Variants in ASIC1 observed in about 807,000 individuals in gnomAD.
ASIC1 encodes the protein acid-sensing ion channel 1.
In ASIC1, 21 loss-of-function variants were observed where a neutral mutation model predicts 63.4. The ratio of observed to expected loss-of-function variants is 0.33; its 90% CI spans 0.23 to 0.48. The LOEUF (loss-of-function observed/expected upper bound fraction) is 0.48. Among genes scored for constraint, ASIC1 ranks in the 20% least tolerant of loss-of-function variants. The pLI is 0.99. For missense variants in ASIC1, 478 were observed against 695.5 expected, an observed-to-expected ratio of 0.69 and a Z score of 3.52; for synonymous variants, 258 against 278.2, an observed-to-expected ratio of 0.93 and a Z score of 0.72.
intron 3 of ASIC1, among the ~76,000 whole-genome samples, chr12:50,060,318 T>C (rs1442618185): frequency 6.6e-6 from 1 of 152,210 alleles, no homozygotes; most frequent in Non-Finnish European, 1.5e-5. Context: ...GTGTTACTTG[T>C]AGTGAGGTCC....
intron 3 of ASIC1, 93 bp from the exon 4 acceptor site, chr12:50,077,120 T>C: frequency 6.3e-7 from 1 of 1,588,638 alleles, no homozygotes. Context: ...CCAAAGGGTG[T>C]TGAGATTCCA....
intron 3 of ASIC1, among the ~76,000 whole-genome samples, chr12:50,063,193 T>A (rs560221844): frequency 5.8e-4 from 88 of 152,112 alleles, no homozygotes; most frequent in Non-Finnish European, 8.4e-4. Context: ...GGGCAGGGAT[T>A]CCATGGAGGG....
At chr12:50,058,352 C>T (rs1185425438) in intron 1 of ASIC1, among the ~76,000 whole-genome samples, 1 of 152,220 alleles carries the variant, frequency 6.6e-6, no homozygotes, top group Admixed American at 6.5e-5. Flanking sequence ...CTCCTTACCC[C>T]GGGGTCAGCC....
Position 50,057,709 on chromosome 12 carries a change from A to G in ASIC1, c.-224A>G, listed in dbSNP as rs1179450541. On this transcript the variant is annotated 5_prime_UTR_variant, in exon 1 of 12. Coordinates refer to ENST00000447966, the MANE Select transcript of ASIC1 (RefSeq NM_001095.4). This position sits in a 1 kb window ranked among gnomAD's most constrained non-coding sequence, Gnocchi z 4.7. Reference sequence around the variant, plus strand: ...CAGACCGAGCCGAGGCGAGCGAGCCAGCGAGCCAGCGCGCGCGGGCGGGCG... The same window carrying G: ...CAGACCGAGCCGAGGCGAGCGAGCCGGCGAGCCAGCGCGCGCGGGCGGGCG... 1 of 151,556 alleles carries G rather than the reference A, an allele frequency of 6.6e-6. No homozygotes were observed. The highest frequency in any genetic ancestry group is 1.5e-5 in the Non-Finnish European group (1 of 68,054). The allele number at this position is 151,556 out of a possible 1,614,324, so 9.4% of individuals were successfully genotyped here.
chr12:50,070,034 C>T (rs1950583532), intron 3 of ASIC1, among the ~76,000 whole-genome samples: 1 of 152,004 alleles, frequency 6.6e-6, no homozygotes, highest in Admixed American at 6.6e-5. Flanking sequence ...CAATTGAAAA[C>T]CATGAAGCAT....
rs1257958979 is a variant in ASIC1 at position 50,074,619 on chromosome 12, G to A, written c.559-2594G>A. Among the ~76,000 whole-genome samples, 4 of 152,270 alleles carry A rather than the reference G, an allele frequency of 2.6e-5. No individual in the cohort carries two copies. Among genetic ancestry groups the A allele is most frequent in the East Asian group, 1.9e-4 (1 of 5,178 alleles). ...GTCAACCTTTGATCTGTTGGTGGAC[G>A]CCAGTGCCTGGCCAGTTGTTCACTA... On this transcript the variant is annotated intron_variant, in intron 3 of 11. Coordinates refer to ENST00000447966, the MANE Select transcript of ASIC1 (RefSeq NM_001095.4). This position sits in a 1 kb window ranked among gnomAD's most constrained non-coding sequence, Gnocchi z 4.2.
chr12:50,078,140 T>TG lies in ASIC1; in HGVS notation c.837+16dup. 1.2e-6 allele frequency: 2 copies of TG among 1,609,234 alleles called. No individual in the cohort carries two copies. The highest frequency in any genetic ancestry group is 2.7e-5 in the African/African-American group (2 of 74,784). ...CCAGGAGCAGCGGGTGAGAGGGCCA[T>TG]GGGAGGCTGGTCCTGGGGTGGGGTA... On this transcript the variant is annotated intron_variant, in intron 5 of 11. Transcript: ENST00000447966. The surrounding 1 kb of genome is among the most constrained non-coding windows in gnomAD (Gnocchi z 6.0).
chr12:50,077,980 C>T lies in ASIC1; in HGVS notation c.710-20C>T. 1 of 1,600,188 alleles carries T rather than the reference C, an allele frequency of 6.2e-7. No homozygotes were observed. Among genetic ancestry groups the T allele is most frequent in the Admixed American group, 1.7e-5 (1 of 58,712 alleles). ...GGGAGTCAGGAGCCCTCCCAACCCA[C>T]ACACTCCTCATTCCCCTAGACGAGA... On this transcript the variant is annotated intron_variant, in intron 4 of 11. Transcript: ENST00000447966.
At chr12:50,068,132 GTTTGT>G (rs1028419740) in intron 3 of ASIC1, among the ~76,000 whole-genome samples, 1 of 152,014 alleles carries the variant, frequency 6.6e-6, no homozygotes, top group African/African-American at 2.4e-5. Context: ...TTTTGTGTCT[GTTTGT>G]TTTGTTTTGT....
chr12:50,081,204 A>T, intron 10 of ASIC1, 23 bp downstream of exon 10: 1 of 1,608,038 alleles, frequency 6.2e-7, no homozygotes, highest in Non-Finnish European at 8.5e-7. Context: ...GAGGCCCGGC[A>T]CGGGGCCACG....
intron 3 of ASIC1, among the ~76,000 whole-genome samples, chr12:50,068,612 A>T (rs995534230): frequency 3.3e-5 from 5 of 151,472 alleles, no homozygotes; most frequent in African/African-American, 1.2e-4. Context: ...CAATTTTCCC[A>T]CTTAACGTCT....
Position 50,081,630 on chromosome 12 carries a change from T to C in ASIC1, c.1568T>C (p.Phe523Ser). ...ILPHHPARGT[F>S]EDFTC Reference sequence around the variant, plus strand: ...CCTCACCATCCGGCCCGAGGCACGTTCGAGGACTTTACCTGCTGAGCCCCG... The same window carrying C: ...CCTCACCATCCGGCCCGAGGCACGTCCGAGGACTTTACCTGCTGAGCCCCG... The change falls in exon 12 of 12, where the codon TTC becomes TCC. Residue 523 changes from phenylalanine (F) to serine (S), a missense_variant. Physicochemically the swap from Phe to Ser is radical, Grantham distance 155. This residue lies in a region of ASIC1 where 104 missense variants were observed against 97.0 expected (regional missense o/e 1.07). Transcript: ENST00000447966. 6.2e-7 allele frequency: 1 copy of C among 1,613,976 alleles called. No homozygotes were observed. Among genetic ancestry groups the C allele is most frequent in the Non-Finnish European group, 8.5e-7 (1 of 1,179,980 alleles).
At chr12:50,064,174 G>A (rs1950525258) in intron 3 of ASIC1, among the ~76,000 whole-genome samples, 1 of 152,080 alleles carries the variant, frequency 6.6e-6, no homozygotes, top group African/African-American at 2.4e-5. Flanking sequence ...ATGAACTTTG[G>A]GGGAAGGGTT....
chr12:50,082,916 C>T lies in ASIC1; in HGVS notation c.*1267C>T, dbSNP rs1433420607. The T allele has an allele frequency of 2.0e-5, 3 of 152,882 alleles. No individual in the cohort carries two copies. The highest frequency in any genetic ancestry group is 4.4e-5 in the Non-Finnish European group (3 of 68,174). 9.5% of individuals were successfully genotyped at this position (152,882 alleles called of 1,614,324 possible). On this transcript the variant is annotated 3_prime_UTR_variant, in exon 12 of 12. Coordinates refer to ENST00000447966, the MANE Select transcript of ASIC1 (RefSeq NM_001095.4). ...GCCCTCCCTGCAGCCTTAACATTCTCTTCCCCTGCTCCTCCTATCCCATTG... is the reference window on the plus strand; with the variant it reads ...GCCCTCCCTGCAGCCTTAACATTCTTTTCCCCTGCTCCTCCTATCCCATTG...
In ASIC1 at chr12:50,082,878, C is replaced by G. The variant is rs1950735154; in HGVS notation, c.*1229C>G. On this transcript the variant is annotated 3_prime_UTR_variant, in exon 12 of 12. Transcript: ENST00000447966. ...TTCTGGCCTCACCCTCTCCCCCAAC[C>G]CGGGCACCCTCGGCCCTCCCTGCAG... 1.3e-5 allele frequency: 2 copies of G among 152,990 alleles called. No homozygotes were observed. The highest frequency in any genetic ancestry group is 2.4e-5 in the African/African-American group (1 of 41,450). 9.5% of individuals were successfully genotyped at this position (152,990 alleles called of 1,614,324 possible). A position where few individuals can be genotyped will look rare whatever the true frequency, so the allele number is the denominator to read the frequency against.
chr12:50,083,402 A>G lies in ASIC1; in HGVS notation c.*1753A>G, dbSNP rs908866179. 2.0e-5 allele frequency: 3 copies of G among 152,516 alleles called. No individual in the cohort carries two copies. The highest frequency in any genetic ancestry group is 7.2e-5 in the African/African-American group (3 of 41,436). The allele number at this position is 152,516 out of a possible 1,614,324, so 9.4% of individuals were successfully genotyped here. A position where few individuals can be genotyped will look rare whatever the true frequency, so the allele number is the denominator to read the frequency against. On this transcript the variant is annotated 3_prime_UTR_variant, in exon 12 of 12. Transcript: ENST00000447966. The stretch of plus-strand genomic sequence containing the variant: ...CTGTGTCTTGGTCTTCAATCCCAGA[A>G]CAGGACCTGTGAGCAGCTGCATTGG...
At chr12:50,073,503 G>C (rs1047650763) in intron 3 of ASIC1, 7 of 1,439,892 alleles carry the variant, frequency 4.9e-6, no homozygotes, top group Non-Finnish European at 6.4e-6. Flanking sequence ...GCCGGACTCT[G>C]CCTGGAGTCA....
intron 3 of ASIC1, among the ~76,000 whole-genome samples, chr12:50,062,839 T>C (rs1393858189): frequency 6.6e-6 from 1 of 152,106 alleles, no homozygotes; most frequent in Non-Finnish European, 1.5e-5. Flanking sequence ...CAGGGAATAG[T>C]TGGTGGTCAC....
chr12:50,068,887 A>T (rs974922978), intron 3 of ASIC1, among the ~76,000 whole-genome samples: 10 of 152,094 alleles, frequency 6.6e-5, no homozygotes, highest in Non-Finnish European at 1.3e-4. Flanking sequence ...GGGCCACGGC[A>T]ATGGCTCCTC....
Sources: allele counts gnomAD v4.1 joint callset (sites outside exome capture counted in the v4.1 genomes callset), GRCh38; gene constraint gnomAD v4.1.1; regional missense constraint gnomAD v4.1.1; non-coding constraint Gnocchi (gnomAD v3.1); transcripts MANE v1.5; gene names NCBI Gene and HGNC (gene_info 2026-07-23, HGNC 2026-07-21).